The following CC2D1B variants were observed in gnomAD, a reference collection of about 807,000 sequenced individuals.
CC2D1B encodes coiled-coil and C2 domain-containing protein 1B.
CC2D1B carries 92 observed loss-of-function variants against 110.8 expected under a neutral mutation model. That is an observed-to-expected ratio of 0.83 (90% CI 0.70 to 0.99). The LOEUF is 0.99. CC2D1B is among the 50% of genes least tolerant of loss of function. CC2D1B has a pLI of 0.00. For missense variants in CC2D1B, 1,136 were observed against 1,089.0 expected, an observed-to-expected ratio of 1.04 and a Z score of -0.61; for synonymous variants, 406 against 429.2, an observed-to-expected ratio of 0.95 and a Z score of 0.67.
intron 16 of CC2D1B, 33 bp from the exon 17 acceptor site, chr1:52,356,475 C>T: frequency 2.5e-6 from 4 of 1,613,144 alleles, no homozygotes; most frequent in Non-Finnish European, 3.4e-6. Flanking sequence ...ACTCCCGAGC[C>T]CAGAGCAGGA....
chr1:52,355,913 CA>C, intron 18 of CC2D1B, 69 bp from the exon 19 acceptor site: 10 of 1,502,484 alleles, frequency 6.7e-6, no homozygotes, highest in Non-Finnish European at 8.3e-6. Context: ...TCCCTTCGTC[CA>C]GGGCCTGTCT....
Position 52,359,298 on chromosome 1 carries a change from C to A in CC2D1B, c.1078G>T (p.Val360Leu). Residue 360 changes from valine (V) to leucine (L), a missense_variant, in exon 10 of 25, where the codon GTG becomes TTG. Transcript: ENST00000284376. ...PTAPSVIPPAVERVQPVMAPD... is the reference protein window; with the variant it reads ...PTAPSVIPPALERVQPVMAPD... ...GCCATCACTGGCTGCACTCGCTCCA[C>A]GGCTGGGGGAATGACTGAGGGTGCT... 6.2e-7 allele frequency: 1 copy of A among 1,613,346 alleles called. No individual in the cohort carries two copies. Among genetic ancestry groups the A allele is most frequent in the Non-Finnish European group, 8.5e-7 (1 of 1,179,764 alleles).
chr1:52,355,264 A>C (rs1475691032), intron 21 of CC2D1B, 134 bp downstream of exon 21: 11 of 907,600 alleles, frequency 1.2e-5, no homozygotes, highest in Non-Finnish European at 1.9e-5. Context: ...ACTACAGAAG[A>C]AGCATGTTAA....
chr1:52,357,671 G>A lies in CC2D1B; in HGVS notation c.1607C>T (p.Ala536Val). The A allele has an allele frequency of 6.2e-7, 1 of 1,603,690 alleles. No homozygotes were observed. Among genetic ancestry groups the A allele is most frequent in the Non-Finnish European group, 8.5e-7 (1 of 1,174,976 alleles). Reference sequence around the variant, plus strand: ...TGCCCGCTGATACTGCAGTTTCCGTGCCTCCAGCAGTGCCAGCTGCTCCCG... The same window carrying A: ...TGCCCGCTGATACTGCAGTTTCCGTACCTCCAGCAGTGCCAGCTGCTCCCG... ...SVREQLALLEARKLQYQRAAL... is the reference protein window; with the variant it reads ...SVREQLALLEVRKLQYQRAAL... The change falls in exon 15 of 25, where the codon GCA (alanine) becomes GTA (valine). Residue 536 changes from alanine to valine, a missense_variant. By Grantham distance (64) the Ala-to-Val change is moderately conservative (BLOSUM62 0). Transcript: ENST00000284376.
At chr1:52,356,102 C>T in intron 18 of CC2D1B, 84 bp downstream of exon 18, 1 of 1,259,786 alleles carries the variant, frequency 7.9e-7, no homozygotes, top group Non-Finnish European at 1.1e-6. Flanking sequence ...GGAAGCCTCA[C>T]TAAAGGGGTA....
In CC2D1B at chr1:52,366,131, G is replaced by C. The variant is rs758473206; in HGVS notation, c.-77C>G. 6.6e-6 allele frequency: 1 copy of C among 152,114 alleles called. No homozygotes were observed. The highest frequency in any genetic ancestry group is 2.4e-5 in the African/African-American group (1 of 41,432). 9.4% of individuals were successfully genotyped at this position (152,114 alleles called of 1,614,324 possible). A position where few individuals can be genotyped will look rare whatever the true frequency, so the allele number is the denominator to read the frequency against. On this transcript the variant is annotated 5_prime_UTR_variant, in exon 1 of 25. Transcript: ENST00000284376. ...ACCCGGCACCGCCCTGGGCTCCCGCGGGCCCTGGGCCGCAGCGGTAGCGAC... is the reference window on the plus strand; with the variant it reads ...ACCCGGCACCGCCCTGGGCTCCCGCCGGCCCTGGGCCGCAGCGGTAGCGAC...
chr1:52,351,181 C>CT lies in CC2D1B; in HGVS notation c.*2043dup, dbSNP rs1361955944. 2.0e-5 allele frequency: 3 copies of CT among 152,210 alleles called. No homozygotes were observed. The highest frequency in any genetic ancestry group is 6.5e-5 in the Admixed American group (1 of 15,284). The allele number at this position is 152,210 out of a possible 1,614,324, so 9.4% of individuals were successfully genotyped here. On this transcript the variant is annotated 3_prime_UTR_variant, in exon 25 of 25. Coordinates refer to ENST00000284376, the MANE Select transcript of CC2D1B (RefSeq NM_001330585.2). ...TTCAATCTCCAAGTCTGGTGGGAGG[C>CT]TTTGTCTTGCCTCGTCAGCCTGGAG... is the stretch of plus-strand genomic sequence containing the variant.
chr1:52,357,967 T>C, intron 13 of CC2D1B, 69 bp from the exon 14 acceptor site: 1 of 1,514,474 alleles, frequency 6.6e-7, no homozygotes, highest in East Asian at 2.3e-5. Flanking sequence ...CTCCCAGACT[T>C]GGGCTGTCTT....
intron 21 of CC2D1B, 171 bp from the exon 22 acceptor site, chr1:52,355,110 T>A: frequency 1.6e-6 from 1 of 642,906 alleles, no homozygotes; most frequent in Middle Eastern, 4.0e-4. Flanking sequence ...AGTGAGTTTT[T>A]GTACTCTTTT....
intron 21 of CC2D1B, among the ~76,000 whole-genome samples, 188 bp from the exon 22 acceptor site, chr1:52,355,127 T>G (rs1016708561): frequency 6.6e-6 from 1 of 152,180 alleles, no homozygotes; most frequent in Non-Finnish European, 1.5e-5. Flanking sequence ...TTTTTAGTCA[T>G]AGATTGTAAC....
At position 52,357,880 on chromosome 1, in the gene CC2D1B, C is replaced by T. The variant is rs753533631; in HGVS notation, c.1480G>A (p.Ala494Thr). ...DEDEGEPPAQ[A>T]PVAKKPARPT... ...CGTGCAGGTTTCTTGGCCACTGGGG[C>T]CTGTGCTGGGGGCTCACCCTGCAGG... The change falls in exon 14 of 25, where the codon GCC becomes ACC. Residue 494 changes from alanine to threonine, a missense_variant. By Grantham distance (58) the Ala-to-Thr change is moderately conservative (BLOSUM62 0). Transcript: ENST00000284376. 5.1e-6 allele frequency: 8 copies of T among 1,575,172 alleles called. No homozygotes were observed. The African/African-American group carries it at 6.8e-5, about 13-fold the overall frequency.
chr1:52,355,390 GCCCTCA>G lies in CC2D1B; in HGVS notation c.2239+2_2239+7del. ...GGGAGGAGAAAGAGGCCCACGTGTG[GCCCTCA>G]CCTGGAGAGTTTGTGTTCTTCACCA... On this transcript the variant is annotated splice_donor_variant and splice_donor_5th_base_variant and intron_variant, in intron 21 of 24. Coordinates refer to ENST00000284376, the MANE Select transcript of CC2D1B (RefSeq NM_001330585.2). LOFTEE classifies it high-confidence loss of function. 6.2e-7 allele frequency: 1 copy of G among 1,613,870 alleles called. No homozygotes were observed. Among genetic ancestry groups the G allele is most frequent in the Non-Finnish European group, 8.5e-7 (1 of 1,179,908 alleles).
At chr1:52,358,222 G>A in intron 13 of CC2D1B, 109 bp downstream of exon 13, 1 of 1,451,232 alleles carries the variant, frequency 6.9e-7, no homozygotes, top group Non-Finnish European at 9.3e-7. Context: ...GTACAGTGGA[G>A]GAAAGAATAT....
Position 52,356,741 on chromosome 1 carries a change from A to G in CC2D1B, c.1878+260T>C. On this transcript the variant is annotated intron_variant, in intron 16 of 24. Coordinates refer to ENST00000284376, the MANE Select transcript of CC2D1B (RefSeq NM_001330585.2). Reference sequence around the variant, plus strand: ...AACAGGTGGCAGTTCAGATAGATAAATACATAAACATACACGCACATCACA... The same window carrying G: ...AACAGGTGGCAGTTCAGATAGATAAGTACATAAACATACACGCACATCACA... The G allele has an allele frequency of 6.7e-6, 4 of 597,300 alleles. No individual in the cohort carries two copies. The South Asian group carries it at 8.5e-5, about 13-fold the overall frequency. The allele number at this position is 597,300 out of a possible 1,614,324, so 37.0% of individuals were successfully genotyped here.
rs1424021998 is a variant in CC2D1B at position 52,360,960 on chromosome 1, C to T, written c.477+14G>A. 1 of 1,613,654 alleles carries T rather than the reference C, an allele frequency of 6.2e-7. No individual in the cohort carries two copies. The highest frequency in any genetic ancestry group is 8.5e-7 in the Non-Finnish European group (1 of 1,179,920). ...GGAGCATCAGAGGCACAGGGGCCCT[C>T]CTCCAGAACCCACCTGAGCTGCTGG... On this transcript the variant is annotated intron_variant, in intron 5 of 24. Coordinates refer to ENST00000284376, the MANE Select transcript of CC2D1B (RefSeq NM_001330585.2).
chr1:52,358,549 G>C, intron 12 of CC2D1B, 88 bp from the exon 13 acceptor site: 1 of 1,598,892 alleles, frequency 6.3e-7, no homozygotes, highest in Non-Finnish European at 8.6e-7. Flanking sequence ...GCATGGCTCT[G>C]CTGGGGCATG....
chr1:52,355,572 G>A lies in CC2D1B; in HGVS notation c.2187+36C>T, dbSNP rs116871311. 2.9e-4 allele frequency: 475 copies of A among 1,612,400 alleles called. 4 individuals are homozygous for A. In the East Asian group the frequency reaches 6.1e-3, roughly 21 times the overall value. On this transcript the variant is annotated intron_variant, in intron 20 of 24. Transcript: ENST00000284376. Reference sequence around the variant, plus strand: ...AGCACAGGGTCCTGGAATGCAAGGCGGGTTTCAGAGGATCCTACTTCTACC... The same window carrying A: ...AGCACAGGGTCCTGGAATGCAAGGCAGGTTTCAGAGGATCCTACTTCTACC...
At chr1:52,359,606 A>C in intron 8 of CC2D1B, 72 bp from the exon 9 acceptor site, 1 of 1,573,640 alleles carries the variant, frequency 6.4e-7, no homozygotes, top group Middle Eastern at 1.7e-4. Context: ...AACAACCCCC[A>C]CTTAGGCCAA....
Position 52,354,925 on chromosome 1 carries a change from A to AGAGTT in CC2D1B, c.2249_2253dup (p.Phe752AsnfsTer5). ...TGGTTTCGGTTGATGTTTAGTTTGA[A>AGAGTT]GAGTTGATCAAATTCTGGCAAAGGG... On this transcript the variant is annotated frameshift_variant, in exon 22 of 25. Coordinates refer to ENST00000284376, the MANE Select transcript of CC2D1B (RefSeq NM_001330585.2). LOFTEE classifies it high-confidence loss of function. 1 of 1,614,018 alleles carries AGAGTT rather than the reference A, an allele frequency of 6.2e-7. No individual in the cohort carries two copies. Among genetic ancestry groups the AGAGTT allele is most frequent in the South Asian group, 1.1e-5 (1 of 91,088 alleles).
Sources: allele counts gnomAD v4.1 joint callset (sites outside exome capture counted in the v4.1 genomes callset), GRCh38; gene constraint gnomAD v4.1.1; transcripts MANE v1.5; gene names NCBI Gene and HGNC (gene_info 2026-07-23, HGNC 2026-07-21).